SLC8A1: variants seen among roughly 807,000 people sequenced by gnomAD.
SLC8A1 encodes the protein sodium/calcium exchanger 1.
SLC8A1 carries 18 observed loss-of-function variants against 68.3 expected under a neutral mutation model. The ratio of observed to expected loss-of-function variants is 0.26; its 90% confidence interval spans 0.18 to 0.39. The LOEUF is 0.39. SLC8A1 is among the 10% of genes least tolerant of loss of function. The pLI is 1.00. For missense variants in SLC8A1, 985 were observed against 1,156.7 expected, an observed-to-expected ratio of 0.85 and a Z score of 2.15; for synonymous variants, 475 against 415.5, an observed-to-expected ratio of 1.14 and a Z score of -1.74.
At chr2:40,136,542 A>C (rs753159731) in intron 7 of SLC8A1, among the ~76,000 whole-genome samples, 2 of 152,210 alleles carry the variant, frequency 1.3e-5, no homozygotes, top group African/African-American at 2.4e-5. Context: ...AATATCAGAC[A>C]CTAGGAAAGA....
At chr2:40,220,944 G>C (rs751036902) in intron 2 of SLC8A1, among the ~76,000 whole-genome samples, 50 of 151,782 alleles carry the variant, frequency 3.3e-4, no homozygotes, top group Non-Finnish European at 6.3e-4. Context: ...TTCTGCCAGA[G>C]GTACAAAGAG....
rs139172964 is a variant in SLC8A1, at chr2:40,343,664, G to C, written c.1808+84809C>G. On this transcript the variant is annotated intron_variant, in intron 2 of 7. Transcript: ENST00000406785. ...GTGGCTACAATTTTTTTAAAGCACAGATTATTATAAATTAAATATAGACAT... is the reference window on the plus strand; with the variant it reads ...GTGGCTACAATTTTTTTAAAGCACACATTATTATAAATTAAATATAGACAT... Among the ~76,000 whole-genome samples the C allele has an allele frequency of 9.6e-4, 146 of 152,184 alleles. 2 individuals are homozygous for C. The East Asian group carries it at 0.026, about 27-fold the overall frequency.
At chr2:40,246,197 T>G (rs2061843758) in intron 2 of SLC8A1, among the ~76,000 whole-genome samples, 1 of 152,236 alleles carries the variant, frequency 6.6e-6, no homozygotes, top group South Asian at 2.1e-4. Flanking sequence ...GTTGCACATC[T>G]TGGATATGGT....
chr2:40,254,632 G>C (rs1308280558), intron 2 of SLC8A1: 1 of 152,022 alleles, frequency 6.6e-6, no homozygotes, highest in Non-Finnish European at 1.5e-5. Flanking sequence ...AAAATTGTGA[G>C]TTTTAACCTA....
intron 1 of SLC8A1, among the ~76,000 whole-genome samples, chr2:40,501,622 T>C (rs1706064531): frequency 1.3e-5 from 2 of 152,108 alleles, no homozygotes; most frequent in South Asian, 4.1e-4. Context: ...ACCCAGTACA[T>C]TCTCCTGGTC....
chr2:40,341,824 T>G (rs1161482656), intron 2 of SLC8A1, among the ~76,000 whole-genome samples: 1 of 152,134 alleles, frequency 6.6e-6, no homozygotes, highest in African/African-American at 2.4e-5. Context: ...TGGGTCAAAT[T>G]CCATTGCATG....
chr2:40,455,242 A>G (rs1480659860), upstream of SLC8A1, among the ~76,000 whole-genome samples: 2 of 152,366 alleles, frequency 1.3e-5, no homozygotes, highest in Admixed American at 1.3e-4. Flanking sequence ...TCTAGTCTAT[A>G]GAAAATTTAG....
upstream of SLC8A1, among the ~76,000 whole-genome samples, chr2:40,454,625 A>T (rs546424411): frequency 5.9e-5 from 9 of 151,694 alleles, no homozygotes; most frequent in East Asian, 1.8e-3. Flanking sequence ...TCTTCTGTTT[A>T]TCTAGAACTA....
In SLC8A1 at chr2:40,343,021, C is replaced by G. The variant is rs142051578; in HGVS notation, c.1808+85452G>C. On this transcript the variant is annotated intron_variant, in intron 2 of 7. Coordinates refer to ENST00000406785, the Ensembl canonical transcript of SLC8A1. ...TTGCATAAGCTTAAACTTAAACTTT[C>G]AGAATCTCATTTTAATTATGAGTAA... Among the ~76,000 whole-genome samples the G allele has an allele frequency of 1.7e-3, 258 of 151,924 alleles. 1 individual carries two copies. Among genetic ancestry groups the G allele is most frequent in the African/African-American group, 5.9e-3 (246 of 41,440 alleles).
At chr2:40,147,683 T>C (rs1487679191) in intron 6 of SLC8A1, among the ~76,000 whole-genome samples, 1 of 152,176 alleles carries the variant, frequency 6.6e-6, no homozygotes, top group African/African-American at 2.4e-5. Flanking sequence ...CCCTATAATT[T>C]TTAACAGACA....
chr2:40,287,622 A>ATGTGTGTGTGTGTGTGTGTGTG (rs1553475996), intron 2 of SLC8A1, among the ~76,000 whole-genome samples: 7 of 72,060 alleles, frequency 9.7e-5, no homozygotes, highest in Admixed American at 1.4e-4. Flanking sequence ...GTGTGTGTGC[A>ATGTGTGTGTGTGTGTGTGTGTG]TGCAGGGACA....
intron 2 of SLC8A1, among the ~76,000 whole-genome samples, chr2:40,302,031 CTGTGTGTGTGTGTG>C (rs374407377): frequency 5.7e-4 from 76 of 132,322 alleles, no homozygotes; most frequent in African/African-American, 6.9e-4. Context: ...CCGGGCTAAT[CTGTGTGTGTGTGTG>C]TGTGTGTGTG....
chr2:40,255,517 G>A (rs1333403001), intron 2 of SLC8A1, among the ~76,000 whole-genome samples: 1 of 152,160 alleles, frequency 6.6e-6, no homozygotes, highest in Middle Eastern at 3.2e-3. Context: ...AAAGTGTTCT[G>A]GACTAAGTGT....
chr2:40,123,521 G>A (rs1431334430), intron 7 of SLC8A1, among the ~76,000 whole-genome samples: 7 of 152,128 alleles, frequency 4.6e-5, no homozygotes, highest in Non-Finnish European at 1.0e-4. Flanking sequence ...GCTTCCAAAT[G>A]ATGAACAATT....
intron 2 of SLC8A1, among the ~76,000 whole-genome samples, chr2:40,306,565 C>T (rs2072650298): frequency 6.6e-6 from 1 of 152,096 alleles, no homozygotes; most frequent in Admixed American, 6.6e-5. Flanking sequence ...CAATGGGAAA[C>T]ATTCTTGGAA....
At chr2:40,119,382 C>A (rs2036264112) in intron 7 of SLC8A1, among the ~76,000 whole-genome samples, 1 of 151,746 alleles carries the variant, frequency 6.6e-6, no homozygotes, top group South Asian at 2.1e-4. Flanking sequence ...AACCACTAAC[C>A]TTAGCTCCAA....
chr2:40,202,075 A>G (rs940933890), intron 2 of SLC8A1, among the ~76,000 whole-genome samples: 4 of 151,982 alleles, frequency 2.6e-5, no homozygotes, highest in African/African-American at 9.7e-5. Context: ...TTTTTGCTAT[A>G]CTATCCTTAG....
At chr2:40,216,849 A>G (rs1266220644) in intron 2 of SLC8A1, among the ~76,000 whole-genome samples, 32 of 151,760 alleles carry the variant, frequency 2.1e-4, no homozygotes, top group Admixed American at 2.1e-3. Flanking sequence ...TGATGGGGTT[A>G]TTTTTTTCTT....
intron 2 of SLC8A1, among the ~76,000 whole-genome samples, chr2:40,183,348 A>T (rs1267903107): frequency 6.6e-6 from 1 of 152,262 alleles, no homozygotes; most frequent in Non-Finnish European, 1.5e-5. Flanking sequence ...ACATTAACAA[A>T]GAATGACTGT....
Sources: gnomAD v4.1 joint callset for allele counts (sites outside exome capture counted in the v4.1 genomes callset) on GRCh38, gnomAD v4.1.1 for gene constraint, MANE v1.5 for transcripts, NCBI Gene and HGNC (gene_info 2026-07-23, HGNC 2026-07-21) for gene names.